WDR4: variants seen among roughly 807,000 people sequenced by gnomAD.
WDR4 encodes WDR4 tRNA N7-guanosine methyltransferase non-catalytic subunit.
WDR4 carries 47 observed loss-of-function variants against 48.6 expected under a neutral mutation model. That is an observed-to-expected ratio of 0.97 (90% confidence interval 0.77 to 1.23). The LOEUF (loss-of-function observed/expected upper bound fraction) is 1.23, where lower values mean the gene tolerates loss of function less well. Among genes scored for constraint, WDR4 ranks in the 50% most tolerant of loss-of-function variants. The pLI is 0.00. For missense variants in WDR4, 606 were observed against 551.6 expected (o/e 1.10, Z -0.99); for synonymous variants, 268 against 230.0 (o/e 1.17, Z -1.49).
upstream of WDR4, among the ~76,000 whole-genome samples, chr21:42,882,972 G>A (rs1228484352): frequency 2.6e-5 from 4 of 151,936 alleles, no homozygotes; most frequent in African/African-American, 9.7e-5. Context: ...GGTGGCGGAC[G>A]CCTGTAGTCC....
chr21:42,876,876 T>C, intron 1 of WDR4, 109 bp from the exon 2 acceptor site: 1 of 1,004,172 alleles, frequency 1.0e-6, no homozygotes, highest in Non-Finnish European at 1.4e-6. Context: ...TCCAGTACAA[T>C]GGCACGATCT....
At chr21:42,879,330 C>CCAGT (rs772953047) in intron 1 of WDR4, 77 bp downstream of exon 1, 83 of 1,566,488 alleles carry the variant, frequency 5.3e-5, no homozygotes, top group Middle Eastern at 3.9e-4. Context: ...CCAGGCGGTG[C>CCAGT]GGGAGAAGCG....
the WDR4 span, among the ~76,000 whole-genome samples, chr21:42,888,836 G>A: frequency 6.6e-6 from 1 of 151,568 alleles, no homozygotes. Flanking sequence ...GAGTAGCTGG[G>A]ATTACAGGTG....
intron 3 of WDR4, among the ~76,000 whole-genome samples, chr21:42,872,804 G>C (rs1250356095): frequency 6.6e-6 from 1 of 152,046 alleles, no homozygotes; most frequent in Non-Finnish European, 1.5e-5. Context: ...GGGCATGGTG[G>C]CAAGTGCCTG....
intron 3 of WDR4, 108 bp downstream of exon 3, chr21:42,873,443 T>C: frequency 1.3e-6 from 2 of 1,485,048 alleles, no homozygotes; most frequent in Non-Finnish European, 1.8e-6. Flanking sequence ...CGGCTCCGTG[T>C]CAACCACTTA....
chr21:42,872,869 C>T (rs1335470560), intron 3 of WDR4, among the ~76,000 whole-genome samples: 1 of 151,492 alleles, frequency 6.6e-6, no homozygotes, highest in African/African-American at 2.4e-5. Context: ...GCCGGGAGGT[C>T]GAGGTTGCGA....
intron 3 of WDR4, among the ~76,000 whole-genome samples, chr21:42,865,980 C>T (rs1381658669): frequency 1.3e-5 from 2 of 152,124 alleles, no homozygotes; most frequent in African/African-American, 2.4e-5. Context: ...TCCACACCCA[C>T]ACTCCAGCAG....
chr21:42,863,510 G>T lies in WDR4; in HGVS notation c.383C>A (p.Ser128Tyr). The change falls in exon 4 of 11, where the codon TCC (serine) becomes TAC (tyrosine). Residue 128 changes from serine (S) to tyrosine (Y), a missense_variant. Ser to Tyr is a moderately radical substitution (Grantham distance 144). Coordinates refer to ENST00000398208, the MANE Select transcript of WDR4 (RefSeq NM_018669.6). Reference protein sequence around the residue: ...LVADKSGDVYSFSVLEPHGCG... With the variant: ...LVADKSGDVYYFSVLEPHGCG... ...CCCGTGTGGCTCCAGCACCGAAAAGGAGTAGACGTCTCCAGACTTGTCGGC... is the reference window on the plus strand; with the variant it reads ...CCCGTGTGGCTCCAGCACCGAAAAGTAGTAGACGTCTCCAGACTTGTCGGC... 1 of 1,614,012 alleles carries T rather than the reference G, an allele frequency of 6.2e-7. No individual in the cohort carries two copies. The highest frequency in any genetic ancestry group is 8.5e-7 in the Non-Finnish European group (1 of 1,179,990).
chr21:42,862,053 A>G lies in WDR4; in HGVS notation c.566+229T>C, dbSNP rs368913945. On this transcript the variant is annotated intron_variant, in intron 5 of 10. Coordinates refer to ENST00000398208, the MANE Select transcript of WDR4 (RefSeq NM_018669.6). The surrounding 1 kb of genome is among the most constrained non-coding windows in gnomAD (Gnocchi z 4.3). ...AAGCCCTTCCTGTTCGGTCAGGCCC[A>G]ATGCCAAGTTACTGGCACAGACTCC... 6.6e-5 allele frequency among the ~76,000 whole-genome samples: 10 copies of G among 152,134 alleles called. No individual in the cohort carries two copies. The highest frequency in any genetic ancestry group is 2.4e-4 in the African/African-American group (10 of 41,404).
intron 6 of WDR4, among the ~76,000 whole-genome samples, chr21:42,856,270 C>T (rs545364201): frequency 6.6e-6 from 1 of 152,324 alleles, no homozygotes; most frequent in East Asian, 1.9e-4. Context: ...CATCAGCAAC[C>T]GTCCCACGAC....
At position 42,873,666 on chromosome 21, in the gene WDR4, TC is replaced by T; in HGVS notation, c.180del (p.Ser61AlafsTer18). The T allele has an allele frequency of 6.2e-7, 1 of 1,614,010 alleles. No individual in the cohort carries two copies. The highest frequency in any genetic ancestry group is 1.7e-5 in the Admixed American group (1 of 59,994). On this transcript the variant is annotated frameshift_variant, in exon 3 of 11. Coordinates refer to ENST00000398208, the MANE Select transcript of WDR4 (RefSeq NM_018669.6). LOFTEE classifies it high-confidence loss of function. The stretch of plus-strand genomic sequence containing the variant: ...AAGGTGGACGCCAGAATCGCACCGC[TC>T]CCCTGGTCCAAGGGCGCGTCCTCCC... ...NKGEDAPLDQ[G>X]SGAILASTFS...
chr21:42,858,874 CCACA>C (rs756787615), intron 6 of WDR4, among the ~76,000 whole-genome samples: 14 of 152,096 alleles, frequency 9.2e-5, no homozygotes, highest in Non-Finnish European at 1.8e-4. Flanking sequence ...TCCTGCCACA[CCACA>C]CAAAGGACCA....
At chr21:42,854,735 A>C in intron 7 of WDR4, 109 bp from the exon 8 acceptor site, 1 of 958,846 alleles carries the variant, frequency 1.0e-6, no homozygotes, top group Non-Finnish European at 1.5e-6. Context: ...CCCACATATC[A>C]AGGAAGAGGA....
At chr21:42,864,070 G>A (rs1460143393) in intron 3 of WDR4, among the ~76,000 whole-genome samples, 3 of 71,770 alleles carry the variant, frequency 4.2e-5, no homozygotes, top group Non-Finnish European at 7.4e-5. Context: ...TCCCGCCACC[G>A]CACTCCAGCC....
At position 42,850,187 on chromosome 21, in the gene WDR4, G is replaced by A. The variant is rs369534891; in HGVS notation, c.1101C>T (p.Asn367=). 1.2e-5 allele frequency: 19 copies of A among 1,613,888 alleles called. 1 individual carries two copies. The East Asian group carries it at 2.2e-4, about 19-fold the overall frequency. ...CTTTCTTCTTCAGGTAGGAGGTCAC[G>A]TTGTCGAACGTGGCCTTGTAGAGAC... ...FSSLYKATFD[N]VTSYLKKKEE... Residue 367 remains asparagine, a synonymous_variant, in exon 11 of 11, where the codon AAC becomes AAT. Coordinates refer to ENST00000398208, the MANE Select transcript of WDR4 (RefSeq NM_018669.6).
Position 42,868,810 on chromosome 21 carries a change from G to A in WDR4, c.296+4741C>T, listed in dbSNP as rs909196978. On this transcript the variant is annotated intron_variant, in intron 3 of 10. Coordinates refer to ENST00000398208, the MANE Select transcript of WDR4 (RefSeq NM_018669.6). The stretch of plus-strand genomic sequence containing the variant: ...ACACCAAGGCTTGGGAAGCTTCGCC[G>A]TGTCTGTTGTCACACATTGGTGCCA... 2.6e-5 allele frequency among the ~76,000 whole-genome samples: 4 copies of A among 152,360 alleles called. 1 individual carries two copies. In the South Asian group the frequency reaches 6.2e-4, roughly 24 times the overall value.
intron 3 of WDR4, among the ~76,000 whole-genome samples, chr21:42,869,856 AG>A (rs1290891982): frequency 2.0e-5 from 3 of 152,006 alleles, no homozygotes; most frequent in Non-Finnish European, 4.4e-5. Flanking sequence ...CTAAAAAAAT[AG>A]AAAAAATTAG....
At chr21:42,859,943 T>C (rs1025698322) in intron 5 of WDR4, among the ~76,000 whole-genome samples, 1 of 152,068 alleles carries the variant, frequency 6.6e-6, no homozygotes, top group Non-Finnish European at 1.5e-5. Context: ...AGTGAGGTCA[T>C]TCCTGGGTCC....
At chr21:42,861,310 G>A (rs1288381621) in intron 5 of WDR4, among the ~76,000 whole-genome samples, 1 of 97,212 alleles carries the variant, frequency 1.0e-5, no homozygotes, top group African/African-American at 4.4e-5. Flanking sequence ...CTAAGAAAGA[G>A]AAAAGAAAGG....
Sources: gnomAD v4.1 joint callset for allele counts (sites outside exome capture counted in the v4.1 genomes callset) on GRCh38, gnomAD v4.1.1 for gene constraint, Gnocchi (gnomAD v3.1) non-coding constraint, MANE v1.5 for transcripts, NCBI Gene and HGNC (gene_info 2026-07-23, HGNC 2026-07-21) for gene names.